The following BICD1 variants were observed in gnomAD, a reference collection of about 807,000 sequenced individuals.
The protein encoded by BICD1 is protein bicaudal D homolog 1.
Under a neutral mutation model 92.5 loss-of-function variants are expected in BICD1, and 35 were observed. The ratio of observed to expected loss-of-function variants is 0.38; its 90% CI spans 0.29 to 0.50. The LOEUF is 0.50. Ranked by LOEUF, BICD1 falls within the 20% of genes least tolerant of loss-of-function variation. The pLI, the probability that BICD1 is intolerant of heterozygous loss-of-function variation, is 0.93. For missense variants in BICD1, 950 were observed against 1,189.8 expected, an observed-to-expected ratio of 0.80 and a Z score of 2.97; for synonymous variants, 429 against 465.1, an observed-to-expected ratio of 0.92 and a Z score of 1.00.
intron 1 of BICD1, among the ~76,000 whole-genome samples, chr12:32,180,240 T>TCAAGG (rs1482301011): frequency 2.0e-5 from 3 of 151,864 alleles, no homozygotes; most frequent in Admixed American, 2.0e-4. Flanking sequence ...TCCAGAGGAT[T>TCAAGG]TCCTGCCTGG....
At chr12:32,145,612 A>C (rs1388652285) in intron 1 of BICD1, among the ~76,000 whole-genome samples, 2 of 152,226 alleles carry the variant, frequency 1.3e-5, no homozygotes, top group Non-Finnish European at 2.9e-5. Flanking sequence ...ATAACTTTAC[A>C]CAGAGATAGC....
At chr12:32,235,945 C>T (rs1565607924) in intron 2 of BICD1, among the ~76,000 whole-genome samples, 1 of 150,860 alleles carries the variant, frequency 6.6e-6, no homozygotes, top group Non-Finnish European at 1.5e-5. Flanking sequence ...TCGTGATCTG[C>T]CCTCGGCCTC....
At chr12:32,239,268 A>G (rs1031330392) in intron 2 of BICD1, among the ~76,000 whole-genome samples, 1 of 144,186 alleles carries the variant, frequency 6.9e-6, no homozygotes, top group Admixed American at 6.9e-5. Flanking sequence ...AAAAAAAAGA[A>G]AAGAAAGGAA....
intron 1 of BICD1, among the ~76,000 whole-genome samples, chr12:32,207,204 T>C (rs1262097672): frequency 6.8e-6 from 1 of 146,638 alleles, no homozygotes; most frequent in Non-Finnish European, 1.5e-5. Context: ...TTGTCATAAA[T>C]TTTTTGTGCA....
chr12:32,228,971 G>A (rs962519668), intron 2 of BICD1, among the ~76,000 whole-genome samples: 7 of 152,000 alleles, frequency 4.6e-5, no homozygotes, highest in Middle Eastern at 3.2e-3. Flanking sequence ...GGATCCTGGC[G>A]GGGCACCTGG....
intron 6 of BICD1, among the ~76,000 whole-genome samples, chr12:32,335,711 G>A (rs533144574): frequency 1.7e-4 from 25 of 150,746 alleles, no homozygotes; most frequent in Non-Finnish European, 3.2e-4. Context: ...TCAGCCTCCC[G>A]AGTACCTAGG....
At chr12:32,323,285 A>T (rs2136248574) in intron 4 of BICD1, among the ~76,000 whole-genome samples, 1 of 152,338 alleles carries the variant, frequency 6.6e-6, no homozygotes, top group Admixed American at 6.5e-5. Context: ...AAATTTTCAA[A>T]ATTGTGAGAA....
intron 5 of BICD1, chr12:32,333,163 T>G: frequency 1.0e-6 from 1 of 984,394 alleles, no homozygotes; most frequent in Non-Finnish European, 1.2e-6. Context: ...TTTCACAACT[T>G]AAACATACTT....
chr12:32,161,014 C>T (rs375149401), intron 1 of BICD1, among the ~76,000 whole-genome samples: 1 of 152,166 alleles, frequency 6.6e-6, no homozygotes, highest in African/African-American at 2.4e-5. Context: ...ATATCTTAAC[C>T]TTTAGTCTGG....
intron 1 of BICD1, among the ~76,000 whole-genome samples, chr12:32,142,439 C>A (rs868683184): frequency 6.2e-3 from 48 of 7,714 alleles, no homozygotes; most frequent in African/African-American, 0.025. Context: ...AAACAAAAAA[C>A]CCCACCTATC....
intron 8 of BICD1, chr12:32,340,366 G>T (rs752076773): frequency 2.4e-5 from 24 of 985,238 alleles, no homozygotes; most frequent in Non-Finnish European, 2.9e-5. Flanking sequence ...TATTGTTTTA[G>T]ACCTCCTTGG....
Position 32,313,527 on chromosome 12 carries a change from T to C in BICD1, c.1005+7405T>C, listed in dbSNP as rs930519331. Among the ~76,000 whole-genome samples the C allele has an allele frequency of 6.6e-6, 1 of 152,176 alleles. No homozygotes were observed. The highest frequency in any genetic ancestry group is 1.9e-4 in the East Asian group (1 of 5,202). ...AGAGACAGTCGAACAAGTGAAATAT[T>C]ATCTCTGCTTAAACACTCACAGAAT... is the stretch of plus-strand genomic sequence containing the variant. On this transcript the variant is annotated intron_variant, in intron 4 of 9. Transcript: ENST00000652176. The surrounding 1 kb of genome is among the most constrained non-coding windows in gnomAD (Gnocchi z 4.2).
intron 2 of BICD1, among the ~76,000 whole-genome samples, chr12:32,238,682 C>T (rs761212485): frequency 8.5e-5 from 13 of 152,272 alleles, no homozygotes; most frequent in East Asian, 3.9e-4. Flanking sequence ...TGGTGGCTCA[C>T]GCCTGTAATC....
chr12:32,163,939 G>A (rs1293219026), intron 1 of BICD1, among the ~76,000 whole-genome samples: 1 of 152,104 alleles, frequency 6.6e-6, no homozygotes, highest in Non-Finnish European at 1.5e-5. Context: ...ATATGCTAAA[G>A]CCAAAATTAA....
chr12:32,262,365 T>C (rs1435851780), intron 2 of BICD1, among the ~76,000 whole-genome samples: 1 of 152,088 alleles, frequency 6.6e-6, no homozygotes. Flanking sequence ...TCCAGCCCCA[T>C]CCCTGGTACT....
At chr12:32,125,146 C>CT (rs11374484) in intron 1 of BICD1, among the ~76,000 whole-genome samples, 43,902 of 151,882 alleles carry the variant, frequency 0.29, 6,578 homozygotes, top group Admixed American at 0.43. Flanking sequence ...ACCCACTGTC[C>CT]TCTGCGTGGT....
chr12:32,153,367 CGATAA>C (rs1943345230), intron 1 of BICD1, among the ~76,000 whole-genome samples: 2 of 152,030 alleles, frequency 1.3e-5, no homozygotes, highest in Admixed American at 6.6e-5. Context: ...AATAGTGCTG[CGATAA>C]ACATGTGAGT....
intron 3 of BICD1, 31 bp from the exon 4 acceptor site, chr12:32,305,666 T>G: frequency 6.5e-7 from 1 of 1,546,704 alleles, no homozygotes; most frequent in Non-Finnish European, 8.7e-7. Flanking sequence ...CATTTTAGTT[T>G]TATGAATCTT....
chr12:32,192,453 A>ATAGATAGATAG (rs1565577520), intron 1 of BICD1, among the ~76,000 whole-genome samples: 37 of 149,180 alleles, frequency 2.5e-4, no homozygotes, highest in African/African-American at 9.0e-4. Flanking sequence ...TAAATAAATA[A>ATAGATAGATAG]ATAGATAGAT....
Sources: allele counts gnomAD v4.1 joint callset (sites outside exome capture counted in the v4.1 genomes callset), GRCh38; gene constraint gnomAD v4.1.1; non-coding constraint Gnocchi (gnomAD v3.1); transcripts MANE v1.5; gene names NCBI Gene and HGNC (gene_info 2026-07-23, HGNC 2026-07-21).